Variants in PROS1 observed in about 807,000 individuals in gnomAD.
The protein encoded by PROS1 is vitamin K-dependent protein S.
PROS1 carries 29 observed loss-of-function variants against 75.9 expected under a neutral mutation model. The ratio of observed to expected loss-of-function variants is 0.38; its 90% CI spans 0.28 to 0.52. PROS1 has a LOEUF of 0.52. PROS1 is among the 20% of genes least tolerant of loss of function. The pLI is 0.83. For missense variants in PROS1, 680 were observed against 810.3 expected (o/e 0.84, Z 1.95); for synonymous variants, 245 against 280.6 (o/e 0.87, Z 1.27).
At chr3:93,881,464 C>T (rs1373408405) in intron 12 of PROS1, among the ~76,000 whole-genome samples, 1 of 151,784 alleles carries the variant, frequency 6.6e-6, no homozygotes, top group Non-Finnish European at 1.5e-5. Context: ...TTCACCACTA[C>T]ACAATATATC....
chr3:93,913,984 G>A (rs1296776682), intron 3 of PROS1, among the ~76,000 whole-genome samples: 1 of 152,248 alleles, frequency 6.6e-6, no homozygotes, highest in Non-Finnish European at 1.5e-5. Context: ...AAATGTTAAA[G>A]CTCTAATATA....
intron 10 of PROS1, among the ~76,000 whole-genome samples, chr3:93,889,576 G>A (rs886599094): frequency 7.2e-5 from 11 of 152,112 alleles, no homozygotes; most frequent in Non-Finnish European, 1.3e-4. Flanking sequence ...TATCTGTGAG[G>A]TACTAAGCTC....
intron 7 of PROS1, among the ~76,000 whole-genome samples, chr3:93,899,489 A>G (rs541386393): frequency 5.5e-4 from 84 of 152,278 alleles, no homozygotes; most frequent in African/African-American, 2.0e-3. Context: ...TTTAAAAAAT[A>G]TGTCATTCAT....
At position 93,927,873 on chromosome 3, in the gene PROS1, A is replaced by ATATG. The variant is rs1394772124; in HGVS notation, c.77-467_77-466insCATA. 4.1e-3 allele frequency among the ~76,000 whole-genome samples: 515 copies of ATATG among 124,140 alleles called. 8 individuals are homozygous for ATATG. The East Asian group carries it at 0.058, about 14-fold the overall frequency. 81.4% of individuals were successfully genotyped at this position (124,140 alleles called of 152,430 possible). Reference sequence around the variant, plus strand: ...AACATATATATATATATATATATATATGTGTGTATGTGTATATATATATAT... The same window carrying ATATG: ...AACATATATATATATATATATATATATATGTGTGTGTATGTGTATATATATATAT... On this transcript the variant is annotated intron_variant, in intron 1 of 14. Transcript: ENST00000394236.
In PROS1 at chr3:93,957,635, A is replaced by G. The variant is rs8178596; in HGVS notation, c.76+16039T>C. 9.8e-4 allele frequency among the ~76,000 whole-genome samples: 149 copies of G among 152,346 alleles called. 1 individual carries two copies. Among genetic ancestry groups the G allele is most frequent in the African/African-American group, 3.4e-3 (143 of 41,582 alleles). On this transcript the variant is annotated intron_variant, in intron 1 of 14. Coordinates refer to ENST00000394236, the MANE Select transcript of PROS1 (RefSeq NM_000313.4). ...ATTTGCACGATTTGATCGTTTCACA[A>G]TGTATAAAAATATCAAAACACTACA...
At chr3:93,882,383 T>C (rs1172009285) in intron 12 of PROS1, among the ~76,000 whole-genome samples, 1 of 152,210 alleles carries the variant, frequency 6.6e-6, no homozygotes, top group Non-Finnish European at 1.5e-5. Flanking sequence ...CAAGATTCCC[T>C]GCTCCACTTA....
chr3:93,929,977 T>C (rs577870046), intron 1 of PROS1, among the ~76,000 whole-genome samples: 1 of 152,258 alleles, frequency 6.6e-6, no homozygotes, highest in South Asian at 2.1e-4. Flanking sequence ...AAGTTGACAA[T>C]AGAAGAAAGA....
At chr3:93,938,344 CT>C (rs1338274855) in intron 1 of PROS1, among the ~76,000 whole-genome samples, 3 of 152,184 alleles carry the variant, frequency 2.0e-5, no homozygotes, top group African/African-American at 4.8e-5. Context: ...TTTGCTGACT[CT>C]CTTTTTGGAC....
chr3:93,888,070 A>G (rs1435897286), intron 10 of PROS1, among the ~76,000 whole-genome samples: 1 of 152,222 alleles, frequency 6.6e-6, no homozygotes, highest in Non-Finnish European at 1.5e-5. Flanking sequence ...CATGCTTACA[A>G]TCATCTGAGT....
At chr3:93,943,757 C>A (rs1182515355) in intron 1 of PROS1, among the ~76,000 whole-genome samples, 4 of 152,152 alleles carry the variant, frequency 2.6e-5, no homozygotes, top group Non-Finnish European at 5.9e-5. Flanking sequence ...TGGCCTGAAG[C>A]AAGTGAAGAA....
intron 1 of PROS1, among the ~76,000 whole-genome samples, chr3:93,958,186 T>C (rs1004233271): frequency 1.3e-5 from 2 of 152,148 alleles, no homozygotes; most frequent in African/African-American, 2.4e-5. Flanking sequence ...TTGTAAGATA[T>C]ATGTAAAATA....
chr3:93,910,852 C>G, intron 3 of PROS1, 147 bp from the exon 4 acceptor site: 1 of 677,848 alleles, frequency 1.5e-6, no homozygotes, highest in Non-Finnish European at 2.6e-6. Context: ...TAAATGTTTC[C>G]ATCTACCTTT....
chr3:93,950,438 T>C (rs1328754539), intron 1 of PROS1, among the ~76,000 whole-genome samples: 2 of 152,178 alleles, frequency 1.3e-5, no homozygotes, highest in Non-Finnish European at 2.9e-5. Context: ...CTCCCAGTAG[T>C]GGCCGACTGA....
Position 93,893,089 on chromosome 3 carries a change from A to G in PROS1, c.999T>C (p.Asp333=). ...FSAEFDFRTY[D]SEGVILYAES... is the part of the protein sequence containing the mutation. Reference sequence around the variant, plus strand: ...CTGCGTACAGTATCACGCCTTCTGAATCATATGTCCGGAAATCAAATTCTG... The same window carrying G: ...CTGCGTACAGTATCACGCCTTCTGAGTCATATGTCCGGAAATCAAATTCTG... The change falls in exon 10 of 15, where the codon GAT becomes GAC. Residue 333 remains aspartate (D), a synonymous_variant. Coordinates refer to ENST00000394236, the MANE Select transcript of PROS1 (RefSeq NM_000313.4). The G allele has an allele frequency of 1.2e-6, 2 of 1,614,006 alleles. No homozygotes were observed.
At chr3:93,877,939 G>A (rs1246430984) in intron 13 of PROS1, among the ~76,000 whole-genome samples, 1 of 152,148 alleles carries the variant, frequency 6.6e-6, no homozygotes, top group Non-Finnish European at 1.5e-5. Flanking sequence ...TAGGTTACTT[G>A]AGGAAATCTG....
intron 1 of PROS1, among the ~76,000 whole-genome samples, chr3:93,941,444 T>A (rs962788885): frequency 1.3e-5 from 2 of 152,182 alleles, no homozygotes; most frequent in African/African-American, 4.8e-5. Context: ...GCTCCTTTCC[T>A]TCCTGGGCAT....
At chr3:93,910,527 T>C (rs566969137) in intron 4 of PROS1, 92 bp downstream of exon 4, 187 of 1,043,268 alleles carry the variant, frequency 1.8e-4, no homozygotes, top group Non-Finnish European at 2.5e-4. Flanking sequence ...GGATCATTTC[T>C]CAATTTTTAA....
chr3:93,907,165 G>C (rs1024555843), intron 4 of PROS1, among the ~76,000 whole-genome samples: 4 of 152,202 alleles, frequency 2.6e-5, no homozygotes, highest in African/African-American at 9.6e-5. Flanking sequence ...GCTTTTTCCT[G>C]GGCCCACCCA....
chr3:93,953,218 T>G (rs878964343), intron 1 of PROS1, among the ~76,000 whole-genome samples: 1 of 152,146 alleles, frequency 6.6e-6, no homozygotes, highest in African/African-American at 2.4e-5. Context: ...CCTCCCTAAC[T>G]CATTTTATGA....
Sources: gnomAD v4.1 joint callset for allele counts (sites outside exome capture counted in the v4.1 genomes callset) on GRCh38, gnomAD v4.1.1 for gene constraint, MANE v1.5 for transcripts, NCBI Gene and HGNC (gene_info 2026-07-23, HGNC 2026-07-21) for gene names.